The following MCUB variants were observed in gnomAD, a reference collection of about 807,000 sequenced individuals.
The protein encoded by MCUB is mitochondrial calcium uniporter dominant negative subunit beta, also known as calcium uniporter regulatory subunit MCUb, mitochondrial.
MCUB carries 46 observed loss-of-function variants against 41.4 expected under a neutral mutation model. The ratio of observed to expected loss-of-function variants is 1.11; its 90% CI spans 0.88 to 1.42. The LOEUF (loss-of-function observed/expected upper bound fraction) is 1.42. MCUB is among the 40% of genes most tolerant of loss of function. MCUB has a pLI of 0.00. For synonymous variants in MCUB, 148 were observed against 148.2 expected (o/e 1.00, Z 0.01); for missense variants, 403 against 404.9 (o/e 1.00, Z 0.04).
At chr4:109,676,725 G>A (rs1211514045) in intron 4 of MCUB, among the ~76,000 whole-genome samples, 1 of 152,164 alleles carries the variant, frequency 6.6e-6, no homozygotes, top group African/African-American at 2.4e-5. Flanking sequence ...ACAAAGAATT[G>A]TTTTCATATC....
chr4:109,602,835 A>G (rs1727773773), intron 1 of MCUB, among the ~76,000 whole-genome samples: 1 of 152,204 alleles, frequency 6.6e-6, no homozygotes, highest in Non-Finnish European at 1.5e-5. Context: ...CTTCTAATCG[A>G]TGAACATGGA....
chr4:109,666,684 G>A (rs1729352220), intron 4 of MCUB, among the ~76,000 whole-genome samples: 1 of 152,128 alleles, frequency 6.6e-6, no homozygotes. Flanking sequence ...TAACGGTCTT[G>A]TATCAGATAC....
At chr4:109,570,369 A>C (rs1239774182) in intron 1 of MCUB, among the ~76,000 whole-genome samples, 1 of 152,216 alleles carries the variant, frequency 6.6e-6, no homozygotes, top group African/African-American at 2.4e-5. Context: ...CCTAGTGTTA[A>C]ATGAATGAGG....
chr4:109,647,756 A>C (rs1404467121), intron 1 of MCUB, among the ~76,000 whole-genome samples: 1 of 152,214 alleles, frequency 6.6e-6, no homozygotes, highest in Non-Finnish European at 1.5e-5. Context: ...ACCACAGTCT[A>C]GTATTAATAG....
At chr4:109,603,338 C>T (rs1727789620) in intron 1 of MCUB, among the ~76,000 whole-genome samples, 1 of 152,208 alleles carries the variant, frequency 6.6e-6, no homozygotes, top group East Asian at 1.9e-4. Flanking sequence ...CTTGAGTGAT[C>T]TGCCTGCCTC....
chr4:109,659,154 CGA>C, intron 2 of MCUB, 68 bp downstream of exon 2: 1 of 964,042 alleles, frequency 1.0e-6, no homozygotes, highest in Non-Finnish European at 1.6e-6. Flanking sequence ...TAAAGAGCTG[CGA>C]GAGTTTTGAG....
intron 1 of MCUB, among the ~76,000 whole-genome samples, chr4:109,597,827 C>T (rs1210486335): frequency 6.6e-6 from 1 of 151,472 alleles, no homozygotes; most frequent in Non-Finnish European, 1.5e-5. Context: ...AGGGGCTCCT[C>T]ACTTCTCAGA....
intron 1 of MCUB, among the ~76,000 whole-genome samples, chr4:109,628,061 CAA>C (rs1728400416): frequency 1.3e-5 from 2 of 151,972 alleles, no homozygotes; most frequent in African/African-American, 4.8e-5. Context: ...GGGTATAGGA[CAA>C]AGAGTCCTGG....
intron 1 of MCUB, among the ~76,000 whole-genome samples, chr4:109,561,791 C>T (rs2126121915): frequency 6.6e-6 from 1 of 152,298 alleles, no homozygotes; most frequent in East Asian, 1.9e-4. Context: ...CTCTGTTACC[C>T]AGGCTGGAGT....
At chr4:109,687,458 A>G in intron 7 of MCUB, 57 bp from the exon 8 acceptor site, 1 of 1,174,576 alleles carries the variant, frequency 8.5e-7, no homozygotes, top group Middle Eastern at 1.9e-4. Flanking sequence ...CTCAAGCAGT[A>G]ATGTTGGTAT....
chr4:109,604,889 T>C (rs1436665228), intron 1 of MCUB, among the ~76,000 whole-genome samples: 1 of 152,200 alleles, frequency 6.6e-6, no homozygotes, highest in African/African-American at 2.4e-5. Context: ...TCATGGTGAA[T>C]GACCTTTTCA....
chr4:109,685,358 C>G lies in MCUB; in HGVS notation c.924C>G (p.Asp308Glu). The change falls in exon 7 of 8, where the codon GAC (aspartate) becomes GAG (glutamate). Residue 308 changes from aspartate (D) to glutamate (E), a missense_variant. Coordinates refer to ENST00000394650, the MANE Select transcript of MCUB (RefSeq NM_017918.5). ...AGCAATACAACAAGTTAAAAGAAGA[C>G]CTTGCTAAGGTATACTACAAATACA... ...DVQQYNKLKE[D>E]LAKAKESLKQ... The G allele has an allele frequency of 6.9e-7, 1 of 1,451,416 alleles. No individual in the cohort carries two copies. The allele number at this position is 1,451,416 out of a possible 1,614,324, so 89.9% of individuals were successfully genotyped here.
At chr4:109,571,764 A>T (rs1167232412) in intron 1 of MCUB, among the ~76,000 whole-genome samples, 3 of 152,266 alleles carry the variant, frequency 2.0e-5, no homozygotes, top group Non-Finnish European at 2.9e-5. Context: ...TCAAAAGTGC[A>T]CAGAGGATGT....
At chr4:109,683,928 A>G (rs575333022) in intron 5 of MCUB, among the ~76,000 whole-genome samples, 3 of 152,282 alleles carry the variant, frequency 2.0e-5, no homozygotes, top group Admixed American at 2.0e-4. Context: ...TTACCTTTAT[A>G]GTTTTAAAGA....
intron 1 of MCUB, among the ~76,000 whole-genome samples, chr4:109,640,623 T>C (rs1359835859): frequency 6.6e-6 from 1 of 152,202 alleles, no homozygotes; most frequent in Non-Finnish European, 1.5e-5. Context: ...TTTCAACTTT[T>C]TTCCTACAGT....
intron 6 of MCUB, 46 bp from the exon 7 acceptor site, chr4:109,685,205 T>A (rs769112817): frequency 1.2e-6 from 1 of 810,572 alleles, no homozygotes; most frequent in South Asian, 1.4e-5. Flanking sequence ...AGGCATTATG[T>A]TCATTCAAAA....
intron 1 of MCUB, among the ~76,000 whole-genome samples, chr4:109,574,429 C>A (rs1726982683): frequency 6.6e-6 from 1 of 152,104 alleles, no homozygotes; most frequent in South Asian, 2.1e-4. Context: ...GCTAAAGAAG[C>A]ACTGGAAAAA....
At position 109,660,200 on chromosome 4, in the gene MCUB, A is replaced by G. The variant is rs867856625; in HGVS notation, c.181A>G (p.Thr61Ala). The change falls in exon 3 of 8, where the codon ACA becomes GCA. Residue 61 changes from threonine to alanine, a missense_variant. By Grantham distance (58) the Thr-to-Ala change is moderately conservative. Transcript: ENST00000394650. ...TTTCTTTTTTTCCTTAACAGAAATAACAGTTATTTATAGACATGGCCTTCC... is the reference window on the plus strand; with the variant it reads ...TTTCTTTTTTTCCTTAACAGAAATAGCAGTTATTTATAGACATGGCCTTCC... Reference protein sequence around the residue: ...YSTVVPPDEITVIYRHGLPLV... With the variant: ...YSTVVPPDEIAVIYRHGLPLV... 1.3e-6 allele frequency: 2 copies of G among 1,482,172 alleles called. No individual in the cohort carries two copies. The highest frequency in any genetic ancestry group is 1.3e-5 in the South Asian group (1 of 77,490). 91.8% of individuals were successfully genotyped at this position (1,482,172 alleles called of 1,614,324 possible).
At chr4:109,594,738 A>G (rs2126129243) in intron 1 of MCUB, among the ~76,000 whole-genome samples, 1 of 151,794 alleles carries the variant, frequency 6.6e-6, no homozygotes, top group East Asian at 1.9e-4. Flanking sequence ...CTCAGCCTGA[A>G]GTGAGGATGG....
Sources: gnomAD v4.1 joint callset for allele counts (sites outside exome capture counted in the v4.1 genomes callset) on GRCh38, gnomAD v4.1.1 for gene constraint, MANE v1.5 for transcripts, NCBI Gene and HGNC (gene_info 2026-07-23, HGNC 2026-07-21) for gene names.